Variants in CAPN2 observed in about 807,000 individuals in gnomAD.
CAPN2 encodes the protein calpain 2, also known as calpain-2 catalytic subunit.
In CAPN2, 92 loss-of-function variants were observed where a neutral mutation model predicts 102.3. That is an observed-to-expected ratio of 0.90 (90% CI 0.76 to 1.07). The LOEUF is 1.07. Among genes scored for constraint, CAPN2 ranks in the 50% least tolerant of loss-of-function variants. The pLI is 0.00. For missense variants in CAPN2, 800 were observed against 909.4 expected (o/e 0.88, Z 1.55); for synonymous variants, 340 against 355.4 (o/e 0.96, Z 0.49).
In CAPN2 at chr1:223,772,142, C is replaced by T. The variant is rs767544914; in HGVS notation, c.2021-39C>T. ...AAGAGGATAATGTGATCTGTTTCAG[C>T]TCACTCACTTGTGACACCCTCTTTT... On this transcript the variant is annotated intron_variant, in intron 19 of 20. Coordinates refer to ENST00000295006, the MANE Select transcript of CAPN2 (RefSeq NM_001748.5). 1.9e-6 allele frequency: 3 copies of T among 1,569,050 alleles called. No homozygotes were observed. The African/African-American group carries it at 4.1e-5, about 21-fold the overall frequency.
intron 6 of CAPN2, among the ~76,000 whole-genome samples, chr1:223,750,037 T>C (rs1244655897): frequency 1.3e-5 from 2 of 152,184 alleles, no homozygotes; most frequent in Non-Finnish European, 2.9e-5. Context: ...GCAACTCAAG[T>C]TCACTGTTAA....
intron 2 of CAPN2, among the ~76,000 whole-genome samples, chr1:223,723,430 A>G (rs1660106406): frequency 6.6e-6 from 1 of 152,202 alleles, no homozygotes; most frequent in African/African-American, 2.4e-5. Flanking sequence ...CTTTTTCTTA[A>G]AAATGATCTC....
In CAPN2 at chr1:223,727,123, A is replaced by G. The variant is rs1324770187; in HGVS notation, c.307+9292A>G. ...GGACAGGGTGTCAGGTCTGCTGGAG[A>G]TTGTTAAAATGCTGTTGTCTCAGGA... On this transcript the variant is annotated intron_variant, in intron 2 of 20. Coordinates refer to ENST00000295006, the MANE Select transcript of CAPN2 (RefSeq NM_001748.5). The surrounding 1 kb of genome is among the most constrained non-coding windows in gnomAD (Gnocchi z 4.1). Among the ~76,000 whole-genome samples the G allele has an allele frequency of 2.2e-5, 3 of 134,218 alleles. No individual in the cohort carries two copies. Among genetic ancestry groups the G allele is most frequent in the East Asian group, 4.3e-4 (2 of 4,656 alleles). 88.1% of individuals were successfully genotyped at this position (134,218 alleles called of 152,430 possible).
intron 16 of CAPN2, among the ~76,000 whole-genome samples, chr1:223,768,649 A>G (rs1405479492): frequency 6.6e-6 from 1 of 151,532 alleles, no homozygotes; most frequent in Non-Finnish European, 1.5e-5. Flanking sequence ...CTTTTGGCTC[A>G]GGATTGACTT....
chr1:223,706,247 C>G (rs1296505962), intron 1 of CAPN2, among the ~76,000 whole-genome samples: 2 of 152,188 alleles, frequency 1.3e-5, no homozygotes, highest in Non-Finnish European at 2.9e-5. Context: ...CAGGGAGAAG[C>G]CTTTCCATGC....
intron 20 of CAPN2, among the ~76,000 whole-genome samples, chr1:223,773,601 A>G (rs554628372): frequency 3.0e-4 from 46 of 152,054 alleles, no homozygotes; most frequent in Admixed American, 5.2e-4. Flanking sequence ...GGCTGAAGCG[A>G]AAGGATTGCT....
At chr1:223,720,465 G>T (rs964331934) in intron 2 of CAPN2, among the ~76,000 whole-genome samples, 1 of 151,742 alleles carries the variant, frequency 6.6e-6, no homozygotes, top group South Asian at 2.1e-4. Context: ...ACAGGCACAC[G>T]CCACCACACC....
upstream of CAPN2, among the ~76,000 whole-genome samples, chr1:223,708,780 A>AAGAG (rs143252272): frequency 6.7e-6 from 1 of 150,032 alleles, no homozygotes; most frequent in Non-Finnish European, 1.5e-5. Flanking sequence ...GAAAGAGCGA[A>AAGAG]AGAGAGAGAG....
At chr1:223,741,434 T>A (rs1364934428) in intron 2 of CAPN2, among the ~76,000 whole-genome samples, 1 of 58,818 alleles carries the variant, frequency 1.7e-5, no homozygotes, top group Non-Finnish European at 2.5e-5. Context: ...TATATATATA[T>A]AATGTGTATA....
chr1:223,741,451 T>C (rs1345511940), intron 2 of CAPN2, among the ~76,000 whole-genome samples: 1 of 129,442 alleles, frequency 7.7e-6, no homozygotes, highest in Admixed American at 8.0e-5. Context: ...TATATATATA[T>C]ATATATATAT....
rs1440787608 is a variant in CAPN2 at position 223,744,144 on chromosome 1, G to A, written c.352G>A (p.Glu118Lys). Residue 118 changes from glutamate (E) to lysine (K), a missense_variant, in exon 3 of 21, where the codon GAA (glutamate) becomes AAA (lysine). Transcript: ENST00000295006. ...AGCCATTGCCTCCCTCACCTTGAAT[G>A]AAGAAATCCTGGCTCGAGTCGTCCC... ...LAAIASLTLN[E>K]EILARVVPLN... 1.9e-6 allele frequency: 3 copies of A among 1,614,092 alleles called. No individual in the cohort carries two copies. Among genetic ancestry groups the A allele is most frequent in the Admixed American group, 1.7e-5 (1 of 60,000 alleles).
intron 2 of CAPN2, among the ~76,000 whole-genome samples, chr1:223,724,252 A>C (rs1660133132): frequency 6.6e-6 from 1 of 152,118 alleles, no homozygotes. Flanking sequence ...GCCAAGGGAC[A>C]CTCATCTGGG....
In CAPN2 at chr1:223,724,754, C is replaced by T. The variant is rs1660144324; in HGVS notation, c.307+6923C>T. On this transcript the variant is annotated intron_variant, in intron 2 of 20. Transcript: ENST00000295006. Reference sequence around the variant, plus strand: ...GGAGGCTGAGGTGGGAGGGTCCCTTCAGCCCAGGAGTTCAAGACCAGCCAA... The same window carrying T: ...GGAGGCTGAGGTGGGAGGGTCCCTTTAGCCCAGGAGTTCAAGACCAGCCAA... Among the ~76,000 whole-genome samples the T allele has an allele frequency of 2.0e-5, 3 of 151,972 alleles. No individual in the cohort carries two copies. The South Asian group carries it at 6.2e-4, about 32-fold the overall frequency.
At chr1:223,750,138 C>T (rs747225106) in intron 6 of CAPN2, among the ~76,000 whole-genome samples, 92 of 152,294 alleles carry the variant, frequency 6.0e-4, no homozygotes, top group African/African-American at 2.1e-3. Flanking sequence ...CACACACACA[C>T]GTCTTTTTAT....
chr1:223,729,597 A>G (rs1660279848), intron 2 of CAPN2, among the ~76,000 whole-genome samples: 1 of 152,186 alleles, frequency 6.6e-6, no homozygotes, highest in African/African-American at 2.4e-5. Context: ...AGGCGGGACA[A>G]CTTGAAGTGG....
chr1:223,735,690 G>A (rs1235232554), intron 2 of CAPN2, among the ~76,000 whole-genome samples: 3 of 152,068 alleles, frequency 2.0e-5, no homozygotes, highest in Non-Finnish European at 2.9e-5. Context: ...GGGGTGCTCC[G>A]TGGAGCCATT....
chr1:223,771,772 T>A, intron 18 of CAPN2, 37 bp from the exon 19 acceptor site: 2 of 1,261,384 alleles, frequency 1.6e-6, no homozygotes, highest in East Asian at 4.6e-5. Context: ...AACAATCTAA[T>A]GCTTAGCAAT....
chr1:223,734,184 A>T (rs1273678429), intron 2 of CAPN2, among the ~76,000 whole-genome samples: 1 of 152,246 alleles, frequency 6.6e-6, no homozygotes, highest in Non-Finnish European at 1.5e-5. Flanking sequence ...AGACCCGGTC[A>T]GGCCTGGGTG....
chr1:223,730,030 AAAAAAC>A (rs1272702702), intron 2 of CAPN2, among the ~76,000 whole-genome samples: 5 of 145,660 alleles, frequency 3.4e-5, no homozygotes, highest in Admixed American at 1.3e-4. Context: ...AAAAAAAAAA[AAAAAAC>A]GAAAACCTGA....
Sources: gnomAD v4.1 joint callset for allele counts (sites outside exome capture counted in the v4.1 genomes callset) on GRCh38, gnomAD v4.1.1 for gene constraint, Gnocchi (gnomAD v3.1) non-coding constraint, MANE v1.5 for transcripts, NCBI Gene and HGNC (gene_info 2026-07-23, HGNC 2026-07-21) for gene names.